Variants in REG4 observed in about 807,000 individuals in gnomAD.
The protein encoded by REG4 is regenerating family member 4.
In REG4, 16 loss-of-function variants were observed where a neutral mutation model predicts 22.3. The observed-to-expected ratio is 0.72, with a 90% CI of 0.49 to 1.09. REG4 has a LOEUF of 1.09. REG4 is among the 50% of genes least tolerant of loss of function. The pLI is 0.00. For synonymous variants in REG4, 71 were observed against 69.2 expected (o/e 1.03, Z -0.13); for missense variants, 214 against 193.9 (o/e 1.10, Z -0.61).
chr1:119,803,403 C>T (rs1374065140), intron 2 of REG4, among the ~76,000 whole-genome samples: 1 of 152,142 alleles, frequency 6.6e-6, no homozygotes, highest in Non-Finnish European at 1.5e-5. Flanking sequence ...TCTGAACAGA[C>T]ATTAATTCCA....
In REG4 at chr1:119,794,268, C is replaced by T. The variant is rs1653861415; in HGVS notation, c.*350G>A. On this transcript the variant is annotated 3_prime_UTR_variant, in exon 6 of 6. Transcript: ENST00000256585. ...GCTGAAGGGGTCTAGAAGCTTACTCCTGAGTTTCTTCCTTCTGTCTTCAAA... is the reference window on the plus strand; with the variant it reads ...GCTGAAGGGGTCTAGAAGCTTACTCTTGAGTTTCTTCCTTCTGTCTTCAAA... 1 of 553,764 alleles carries T rather than the reference C, an allele frequency of 1.8e-6. No homozygotes were observed. The allele number at this position is 553,764 out of a possible 1,614,324, so 34.3% of individuals were successfully genotyped here. A position where few individuals can be genotyped will look rare whatever the true frequency, so the allele number is the denominator to read the frequency against.
intron 3 of REG4, chr1:119,802,614 A>G: frequency 7.6e-7 from 1 of 1,313,420 alleles, no homozygotes; most frequent in Admixed American, 3.8e-5. Flanking sequence ...GAGCAGCGGA[A>G]AAGTTTCCAC....
At position 119,794,182 on chromosome 1, in the gene REG4, G is replaced by T. The variant is rs904185859; in HGVS notation, c.*436C>A. 3 of 535,442 alleles carry T rather than the reference G, an allele frequency of 5.6e-6. No homozygotes were observed. Among genetic ancestry groups the T allele is most frequent in the Non-Finnish European group, 1.1e-5 (3 of 261,492 alleles). 33.2% of individuals were successfully genotyped at this position (535,442 alleles called of 1,614,324 possible). On this transcript the variant is annotated 3_prime_UTR_variant, in exon 6 of 6. Transcript: ENST00000256585. ...CTTCCCATGGCCAAAGGAAAAACAA[G>T]CAGGAGTTGAGTGGCTGGGGTGGGG...
At position 119,794,658 on chromosome 1, in the gene REG4, C is replaced by T; in HGVS notation, c.437G>A (p.Cys146Tyr). The stretch of plus-strand genomic sequence containing the variant: ...GCACAGGAAGTGTTGGCGCTTGTTG[C>T]ATTCGTTGCTGCTCCAAGTTAAAAA... ...NNFLTWSSNECNKRQHFLCKY... is the reference protein window; with the variant it reads ...NNFLTWSSNEYNKRQHFLCKY... The change falls in exon 6 of 6, where the codon TGC becomes TAC. Residue 146 changes from cysteine (C) to tyrosine (Y), a missense_variant. Transcript: ENST00000256585. 1.2e-6 allele frequency: 2 copies of T among 1,614,136 alleles called. No homozygotes were observed. The highest frequency in any genetic ancestry group is 1.7e-6 in the Non-Finnish European group (2 of 1,180,000).
At chr1:119,799,146 A>G (rs1411471105) in intron 4 of REG4, among the ~76,000 whole-genome samples, 1 of 152,180 alleles carries the variant, frequency 6.6e-6, no homozygotes, top group East Asian at 1.9e-4. Flanking sequence ...GTCTGAGTCA[A>G]CTAAAGAAGC....
chr1:119,805,668 G>A (rs1353032167), intron 2 of REG4, among the ~76,000 whole-genome samples: 1 of 151,948 alleles, frequency 6.6e-6, no homozygotes, highest in Non-Finnish European at 1.5e-5. Context: ...CTCTCTGTTT[G>A]TGCATCTCTG....
chr1:119,799,948 G>A, intron 3 of REG4, 86 bp from the exon 4 acceptor site: 17 of 1,529,304 alleles, frequency 1.1e-5, no homozygotes, highest in East Asian at 2.3e-5. Context: ...CCAAGAAGGA[G>A]GGACTCACGC....
chr1:119,805,668 G>C (rs1353032167), intron 2 of REG4, among the ~76,000 whole-genome samples: 1 of 151,948 alleles, frequency 6.6e-6, no homozygotes, highest in Non-Finnish European at 1.5e-5. Flanking sequence ...CTCTCTGTTT[G>C]TGCATCTCTG....
chr1:119,803,305 T>A, intron 2 of REG4, 140 bp from the exon 3 acceptor site: 1 of 802,034 alleles, frequency 1.2e-6, no homozygotes, highest in Non-Finnish European at 1.8e-6. Flanking sequence ...CAAAAATGTA[T>A]ACAGCTTACC....
intron 2 of REG4, among the ~76,000 whole-genome samples, chr1:119,807,276 C>T (rs1174546899): frequency 3.3e-5 from 5 of 152,170 alleles, no homozygotes; most frequent in Non-Finnish European, 5.9e-5. Context: ...GTGCAAAGAA[C>T]ATTTAGGATA....
rs1172438174 is a variant in REG4 at position 119,811,438 on chromosome 1, CT to C, written c.-125del. 1 of 97,010 alleles carries C rather than the reference CT, an allele frequency of 1.0e-5. No individual in the cohort carries two copies. The highest frequency in any genetic ancestry group is 2.0e-5 in the Non-Finnish European group (1 of 49,484). The allele number at this position is 97,010 out of a possible 1,614,324, so 6.0% of individuals were successfully genotyped here. A position where few individuals can be genotyped will look rare whatever the true frequency, so the allele number is the denominator to read the frequency against. On this transcript the variant is annotated 5_prime_UTR_variant, in exon 1 of 6. Transcript: ENST00000256585. The stretch of plus-strand genomic sequence containing the variant: ...TTGGCAACCAAGACTCTAAGGGCCC[CT>C]GCCTTCTTCAGTGTCTCCAGTGGTC...
At chr1:119,805,113 A>C (rs1362117346) in intron 2 of REG4, among the ~76,000 whole-genome samples, 2 of 152,178 alleles carry the variant, frequency 1.3e-5, no homozygotes. Context: ...AAAAACGAGA[A>C]ATTCAAAACT....
intron 3 of REG4, 72 bp from the exon 4 acceptor site, chr1:119,799,934 C>T (rs587714351): frequency 4.3e-5 from 67 of 1,570,836 alleles, no homozygotes; most frequent in South Asian, 2.6e-4. Flanking sequence ...AGAACGCTAG[C>T]GTGCCAAGAA....
intron 1 of REG4, among the ~76,000 whole-genome samples, chr1:119,809,908 AT>A (rs1400456218): frequency 6.6e-6 from 1 of 152,176 alleles, no homozygotes; most frequent in Non-Finnish European, 1.5e-5. Context: ...ATATTTTATA[AT>A]TACTAATGAA....
intron 3 of REG4, 196 bp downstream of exon 3, chr1:119,802,872 C>T (rs1285245336): frequency 1.9e-6 from 3 of 1,550,294 alleles, no homozygotes; most frequent in East Asian, 4.8e-5. Flanking sequence ...GTCTGGCATA[C>T]AGCACCTGCT....
chr1:119,802,818 G>A, intron 3 of REG4: 2 of 1,518,812 alleles, frequency 1.3e-6, no homozygotes, highest in South Asian at 1.3e-5. Context: ...CTGAGGGTAG[G>A]GGCTCTTTCC....
At chr1:119,805,689 T>C (rs587603779) in intron 2 of REG4, among the ~76,000 whole-genome samples, 2 of 152,268 alleles carry the variant, frequency 1.3e-5, no homozygotes, top group East Asian at 1.9e-4. Flanking sequence ...TCTTTGACTT[T>C]CTATGTATCT....
intron 5 of REG4, among the ~76,000 whole-genome samples, chr1:119,797,158 C>G (rs1225135156): frequency 6.6e-6 from 1 of 150,736 alleles, no homozygotes; most frequent in Non-Finnish European, 1.5e-5. Context: ...TCACTACTTC[C>G]TGGGGTAGCT....
At chr1:119,800,475 C>T (rs1362541960) in intron 3 of REG4, among the ~76,000 whole-genome samples, 1 of 152,152 alleles carries the variant, frequency 6.6e-6, no homozygotes, top group Non-Finnish European at 1.5e-5. Context: ...GGGCACCTCA[C>T]ATTCGGTCCT....
Sources: allele counts gnomAD v4.1 joint callset (sites outside exome capture counted in the v4.1 genomes callset), GRCh38; gene constraint gnomAD v4.1.1; transcripts MANE v1.5; gene names NCBI Gene and HGNC (gene_info 2026-07-23, HGNC 2026-07-21).